The following DCHS2 variants were observed in gnomAD, a reference collection of about 807,000 sequenced individuals.
The protein encoded by DCHS2 is protocadherin-23.
Under a neutral mutation model 182.4 loss-of-function variants are expected in DCHS2, and 142 were observed. That is an observed-to-expected ratio of 0.78 (90% CI 0.68 to 0.89). The LOEUF is 0.89. DCHS2 is among the 40% of genes least tolerant of loss of function. The pLI, the probability that DCHS2 is intolerant of heterozygous loss-of-function variation, is 0.00. For synonymous variants in DCHS2, 1,740 were observed against 1,663.3 expected (o/e 1.05, Z -1.12); for missense variants, 4,319 against 4,198.6 (o/e 1.03, Z -0.79).
chr4:154,417,329 A>G (rs1732909850), intron 1 of DCHS2, among the ~76,000 whole-genome samples: 1 of 151,956 alleles, frequency 6.6e-6, no homozygotes, highest in Non-Finnish European at 1.5e-5. Context: ...CATTTTTGAC[A>G]GTTTAATGTT....
intron 5 of DCHS2, among the ~76,000 whole-genome samples, chr4:154,331,080 G>A (rs1186265648): frequency 6.6e-6 from 1 of 152,112 alleles, no homozygotes; most frequent in Admixed American, 6.5e-5. Context: ...TGAAAAGGGG[G>A]TGTGTCTCCC....
Position 154,269,357 on chromosome 4 carries a change from G to T in DCHS2, c.6577+543C>A, listed in dbSNP as rs115118173. 1,256 of 152,622 alleles carry T rather than the reference G, an allele frequency of 8.2e-3. 4 individuals carry two copies. Among genetic ancestry groups the T allele is most frequent in the Non-Finnish European group, 0.013 (895 of 68,272 alleles). The allele number at this position is 152,622 out of a possible 1,614,324, so 9.5% of individuals were successfully genotyped here. A position where few individuals can be genotyped will look rare whatever the true frequency, so the allele number is the denominator to read the frequency against. ...ACTACAGAGTTGTTAGTGAAAAAAG[G>T]TATGTTTGAAGTAATCAATTGGTAT... On this transcript the variant is annotated intron_variant, in intron 14 of 19. Coordinates refer to ENST00000357232, the MANE Select transcript of DCHS2 (RefSeq NM_001358235.2).
At chr4:154,334,760 G>C (rs1728707046) in intron 4 of DCHS2, 108 bp downstream of exon 4, 1 of 851,156 alleles carries the variant, frequency 1.2e-6, no homozygotes, top group Non-Finnish European at 1.9e-6. Context: ...CCCTTGTTTT[G>C]ACTTGCGTGG....
intron 10 of DCHS2, among the ~76,000 whole-genome samples, chr4:154,312,235 G>A (rs1735696487): frequency 6.6e-6 from 1 of 152,174 alleles, no homozygotes; most frequent in African/African-American, 2.4e-5. Flanking sequence ...GTATAATCGA[G>A]GTTGCTGGAA....
intron 1 of DCHS2, among the ~76,000 whole-genome samples, chr4:154,385,978 C>T (rs1272346335): frequency 3.3e-5 from 5 of 152,098 alleles, no homozygotes; most frequent in Non-Finnish European, 7.4e-5. Context: ...ACTCACACCT[C>T]ACACGTCTTA....
chr4:154,357,127 T>G, intron 3 of DCHS2: 1 of 767,710 alleles, frequency 1.3e-6, no homozygotes, highest in Non-Finnish European at 2.2e-6. Flanking sequence ...CCTGCGAAGT[T>G]GTTTAAAACT....
At chr4:154,427,633 T>C (rs967885219) in intron 1 of DCHS2, among the ~76,000 whole-genome samples, 3 of 152,168 alleles carry the variant, frequency 2.0e-5, no homozygotes, top group Admixed American at 6.5e-5. Flanking sequence ...TCTTGAAAGA[T>C]GGGAAAATTT....
At chr4:154,307,292 T>C (rs1578944812) in intron 10 of DCHS2, among the ~76,000 whole-genome samples, 1 of 152,122 alleles carries the variant, frequency 6.6e-6, no homozygotes, top group African/African-American at 2.4e-5. Context: ...ACTGAGCAAA[T>C]TGGAAATTTG....
At chr4:154,287,031 G>C (rs561152883) in intron 13 of DCHS2, among the ~76,000 whole-genome samples, 2 of 152,130 alleles carry the variant, frequency 1.3e-5, no homozygotes, top group African/African-American at 4.8e-5. Flanking sequence ...AAACCTTACA[G>C]GAAAAGAGAG....
chr4:154,444,994 C>A (rs1203662590), intron 1 of DCHS2, among the ~76,000 whole-genome samples: 3 of 152,190 alleles, frequency 2.0e-5, no homozygotes, highest in Non-Finnish European at 4.4e-5. Context: ...CAGCTGGCAC[C>A]TCACCACACT....
intron 12 of DCHS2, among the ~76,000 whole-genome samples, chr4:154,302,969 C>CACA (rs1735276735): frequency 0.028 from 603 of 21,552 alleles, 11 homozygotes; most frequent in Non-Finnish European, 0.036. Context: ...ACACACACAC[C>CACA]CACACACACA....
At chr4:154,462,361 T>G (rs996446354) in intron 1 of DCHS2, among the ~76,000 whole-genome samples, 1 of 152,252 alleles carries the variant, frequency 6.6e-6, no homozygotes, top group Non-Finnish European at 1.5e-5. Flanking sequence ...CACTTTATGT[T>G]TGCATATTGT....
intron 3 of DCHS2, among the ~76,000 whole-genome samples, chr4:154,343,861 C>T (rs1355253889): frequency 2.6e-5 from 4 of 152,160 alleles, no homozygotes; most frequent in Admixed American, 2.0e-4. Flanking sequence ...GTGCAAGAGG[C>T]CTAGCTTTTG....
At chr4:154,293,663 T>C (rs552235375) in intron 13 of DCHS2, among the ~76,000 whole-genome samples, 2 of 152,158 alleles carry the variant, frequency 1.3e-5, no homozygotes, top group Non-Finnish European at 2.9e-5. Flanking sequence ...ATCACATAAA[T>C]CACCACAGTA....
chr4:154,432,863 G>A (rs932328362), intron 1 of DCHS2, among the ~76,000 whole-genome samples: 4 of 152,226 alleles, frequency 2.6e-5, no homozygotes, highest in African/African-American at 9.6e-5. Flanking sequence ...AAAGCAGGGT[G>A]TCTACTCCCT....
chr4:154,484,384 C>A (rs1254659353), intron 1 of DCHS2, among the ~76,000 whole-genome samples: 4 of 65,774 alleles, frequency 6.1e-5, no homozygotes, highest in African/African-American at 1.7e-4. Context: ...TATTCACAAA[C>A]CTCCCATTAT....
At chr4:154,387,018 G>A (rs960862583) in intron 1 of DCHS2, among the ~76,000 whole-genome samples, 5 of 152,160 alleles carry the variant, frequency 3.3e-5, no homozygotes, top group African/African-American at 1.2e-4. Context: ...GAACTATTAA[G>A]ATGTTGGAAT....
intron 1 of DCHS2, among the ~76,000 whole-genome samples, chr4:154,398,916 G>GT (rs1732041967): frequency 6.6e-6 from 1 of 152,192 alleles, no homozygotes; most frequent in Admixed American, 6.5e-5. Flanking sequence ...TAAAAGGACA[G>GT]TTTTTTCTTT....
chr4:154,322,496 C>T lies in DCHS2; in HGVS notation c.4019-8G>A. On this transcript the variant is annotated splice_region_variant and splice_polypyrimidine_tract_variant and intron_variant, in intron 7 of 19. Coordinates refer to ENST00000357232, the MANE Select transcript of DCHS2 (RefSeq NM_001358235.2). ...AGTGATCAGAACTATCTTCTACACACACAAGAAAATTAAGAAATGAATGTT... is the reference window on the plus strand; with the variant it reads ...AGTGATCAGAACTATCTTCTACACATACAAGAAAATTAAGAAATGAATGTT... The T allele has an allele frequency of 3.8e-6, 6 of 1,581,078 alleles. No individual in the cohort carries two copies. Among genetic ancestry groups the T allele is most frequent in the Non-Finnish European group, 5.1e-6 (6 of 1,165,894 alleles).
Sources: allele counts gnomAD v4.1 joint callset (sites outside exome capture counted in the v4.1 genomes callset), GRCh38; gene constraint gnomAD v4.1.1; transcripts MANE v1.5; gene names NCBI Gene and HGNC (gene_info 2026-07-23, HGNC 2026-07-21).